SSBP2: variants seen among roughly 807,000 people sequenced by gnomAD.
SSBP2 encodes single stranded DNA binding protein 2, also known as single-stranded DNA-binding protein 2.
SSBP2 carries 17 observed loss-of-function variants against 61.8 expected under a neutral mutation model. That is an observed-to-expected ratio of 0.28 (90% CI 0.19 to 0.41). The LOEUF (loss-of-function observed/expected upper bound fraction) is 0.41, where lower values mean the gene tolerates loss of function less well. Ranked by LOEUF, SSBP2 falls within the 10% of genes least tolerant of loss-of-function variation. SSBP2 has a pLI of 1.00. For synonymous variants in SSBP2, 139 were observed against 141.3 expected, an observed-to-expected ratio of 0.98 and a Z score of 0.12; for missense variants, 310 against 458.7, an observed-to-expected ratio of 0.68 and a Z score of 2.96.
intron 3 of SSBP2, among the ~76,000 whole-genome samples, chr5:81,625,298 T>A (rs1261239611): frequency 6.6e-6 from 1 of 152,108 alleles, no homozygotes; most frequent in Non-Finnish European, 1.5e-5. Context: ...ACTTGTTCCT[T>A]TATCTCCAAG....
At chr5:81,734,454 C>T (rs1038406521) in intron 1 of SSBP2, among the ~76,000 whole-genome samples, 3 of 152,140 alleles carry the variant, frequency 2.0e-5, no homozygotes, top group Admixed American at 1.3e-4. Context: ...TTTCAAAGCT[C>T]CTAGACTTGT....
intron 4 of SSBP2, among the ~76,000 whole-genome samples, chr5:81,570,619 C>T (rs7717767): frequency 3.3e-4 from 50 of 152,218 alleles, no homozygotes; most frequent in African/African-American, 1.1e-3. Flanking sequence ...GAAGCAGAGG[C>T]GCCTGGACTT....
chr5:81,693,499 G>A (rs1753370456), intron 1 of SSBP2, among the ~76,000 whole-genome samples: 1 of 152,090 alleles, frequency 6.6e-6, no homozygotes, highest in Non-Finnish European at 1.5e-5. Flanking sequence ...CTAATAATGT[G>A]ATTATAAAAT....
intron 1 of SSBP2, among the ~76,000 whole-genome samples, chr5:81,731,784 A>T (rs1756281588): frequency 1.3e-5 from 2 of 151,598 alleles, no homozygotes; most frequent in Non-Finnish European, 2.9e-5. Flanking sequence ...TGGTGATAAG[A>T]TAAACCCCAA....
At chr5:81,718,527 G>GA (rs1311014260) in intron 1 of SSBP2, among the ~76,000 whole-genome samples, 4 of 152,034 alleles carry the variant, frequency 2.6e-5, no homozygotes, top group Admixed American at 2.6e-4. Flanking sequence ...GAAACCTAAT[G>GA]AAAAAAACAT....
At chr5:81,447,288 G>A (rs1017907338) in intron 11 of SSBP2, among the ~76,000 whole-genome samples, 3 of 151,938 alleles carry the variant, frequency 2.0e-5, no homozygotes, top group African/African-American at 4.8e-5. Flanking sequence ...AATGATATTC[G>A]CTTAGAGAAT....
intron 4 of SSBP2, among the ~76,000 whole-genome samples, chr5:81,556,592 C>T (rs1448179736): frequency 6.6e-6 from 1 of 152,068 alleles, no homozygotes; most frequent in Non-Finnish European, 1.5e-5. Context: ...AGGTCTTTCT[C>T]CTCCTAGGGT....
At chr5:81,575,187 G>C (rs1339425584) in intron 4 of SSBP2, among the ~76,000 whole-genome samples, 4 of 152,188 alleles carry the variant, frequency 2.6e-5, no homozygotes. Flanking sequence ...AGAATCACTT[G>C]AACTCGGGAG....
chr5:81,593,555 T>C (rs1581119102), intron 4 of SSBP2, among the ~76,000 whole-genome samples: 2 of 152,184 alleles, frequency 1.3e-5, no homozygotes, highest in Middle Eastern at 6.8e-3. Flanking sequence ...TCACCAAAGT[T>C]GAAATGAAGG....
chr5:81,425,281 C>T (rs1761882901), intron 16 of SSBP2, among the ~76,000 whole-genome samples: 1 of 152,092 alleles, frequency 6.6e-6, no homozygotes, highest in Non-Finnish European at 1.5e-5. Context: ...CTGTATGATA[C>T]TTTATTTTCT....
chr5:81,440,066 T>C (rs1762932000), intron 14 of SSBP2, among the ~76,000 whole-genome samples: 1 of 152,142 alleles, frequency 6.6e-6, no homozygotes, highest in Admixed American at 6.5e-5. Flanking sequence ...ATTCAAATTA[T>C]CCAGAATATG....
At chr5:81,432,859 C>T (rs1387470300) in intron 15 of SSBP2, among the ~76,000 whole-genome samples, 1 of 149,794 alleles carries the variant, frequency 6.7e-6, no homozygotes, top group African/African-American at 2.5e-5. Context: ...GTGAGGGGCG[C>T]CTCTGCCTGG....
chr5:81,511,574 T>C (rs1183065032), intron 5 of SSBP2, among the ~76,000 whole-genome samples: 3 of 152,252 alleles, frequency 2.0e-5, no homozygotes, highest in Admixed American at 6.5e-5. Context: ...AGTCACGCTT[T>C]TGTTTATACT....
At chr5:81,440,669 A>G (rs1250377870) in intron 13 of SSBP2, 33 bp from the exon 14 acceptor site, 1 of 1,485,178 alleles carries the variant, frequency 6.7e-7, no homozygotes, top group Non-Finnish European at 9.2e-7. Context: ...CACTGTAATC[A>G]TACTGAAAAC....
At chr5:81,543,956 A>T (rs957008583) in intron 4 of SSBP2, among the ~76,000 whole-genome samples, 1 of 152,222 alleles carries the variant, frequency 6.6e-6, no homozygotes, top group East Asian at 1.9e-4. Flanking sequence ...ATAATTATAA[A>T]CAATAATCTA....
At chr5:81,739,193 A>T (rs1222517499) in intron 1 of SSBP2, among the ~76,000 whole-genome samples, 4 of 150,202 alleles carry the variant, frequency 2.7e-5, no homozygotes, top group African/African-American at 9.8e-5. Context: ...AAAAAAAAAA[A>T]AATTGTTTAT....
At chr5:81,740,013 A>G (rs576613477) in intron 1 of SSBP2, among the ~76,000 whole-genome samples, 1 of 152,170 alleles carries the variant, frequency 6.6e-6, no homozygotes, top group Non-Finnish European at 1.5e-5. Context: ...ACAGAAAAGC[A>G]TCAACAACCT....
intron 1 of SSBP2, among the ~76,000 whole-genome samples, chr5:81,727,689 A>G (rs1476562329): frequency 6.6e-6 from 1 of 152,258 alleles, no homozygotes; most frequent in African/African-American, 2.4e-5. Context: ...ATATAAATTG[A>G]GCATCTCTTG....
At chr5:81,561,938 C>A (rs771418475) in intron 4 of SSBP2, among the ~76,000 whole-genome samples, 1 of 152,134 alleles carries the variant, frequency 6.6e-6, no homozygotes, top group African/African-American at 2.4e-5. Flanking sequence ...GAGTTTCACT[C>A]TTGTCACTCA....
Sources: allele counts gnomAD v4.1 joint callset (sites outside exome capture counted in the v4.1 genomes callset), GRCh38; gene constraint gnomAD v4.1.1; transcripts MANE v1.5; gene names NCBI Gene and HGNC (gene_info 2026-07-23, HGNC 2026-07-21).